The following DAB1 variants were observed in gnomAD, a reference collection of about 807,000 sequenced individuals.
The protein encoded by DAB1 is disabled homolog 1.
DAB1 carries 15 observed loss-of-function variants against 64.6 expected under a neutral mutation model. The ratio of observed to expected loss-of-function variants is 0.23; its 90% CI spans 0.16 to 0.36. The LOEUF (loss-of-function observed/expected upper bound fraction) is 0.36. Among genes scored for constraint, DAB1 ranks in the 10% least tolerant of loss-of-function variants. The probability of loss-of-function intolerance (pLI) is 1.00; values close to 1 mark genes in which losing one functional copy is unlikely to be tolerated. For synonymous variants in DAB1, 235 were observed against 251.9 expected (o/e 0.93, Z 0.64); for missense variants, 596 against 706.7 (o/e 0.84, Z 1.78).
chr1:57,949,697 T>G (rs1360016265), intron 5 of DAB1, among the ~76,000 whole-genome samples: 1 of 152,190 alleles, frequency 6.6e-6, no homozygotes, highest in African/African-American at 2.4e-5. Flanking sequence ...ACATTATTTT[T>G]CCAAGATTCA....
intron 6 of DAB1, among the ~76,000 whole-genome samples, chr1:57,817,946 C>T (rs852757): frequency 0.68 from 102,880 of 152,124 alleles, 36,562 homozygotes; most frequent in African/African-American, 0.91. Context: ...AATGCGTCCT[C>T]AGAAATTTTT....
intron 7 of DAB1, among the ~76,000 whole-genome samples, chr1:57,491,353 G>T (rs1052704221): frequency 6.6e-6 from 1 of 152,064 alleles, no homozygotes; most frequent in African/African-American, 2.4e-5. Flanking sequence ...GCGTGAACCC[G>T]GGAGGCGGAG....
chr1:57,173,786 G>T (rs936999007), intron 2 of DAB1, among the ~76,000 whole-genome samples: 1 of 152,150 alleles, frequency 6.6e-6, no homozygotes, highest in South Asian at 2.1e-4. Context: ...TATTAACAGA[G>T]TTCCCAGCAA....
intron 4 of DAB1, among the ~76,000 whole-genome samples, chr1:58,326,916 T>G (rs1569646115): frequency 6.6e-6 from 1 of 152,226 alleles, no homozygotes. Context: ...GGCTTTGATT[T>G]TTAAAGTACT....
chr1:57,934,778 C>T (rs938683294), intron 5 of DAB1, among the ~76,000 whole-genome samples: 10 of 152,266 alleles, frequency 6.6e-5, no homozygotes, highest in Admixed American at 1.3e-4. Flanking sequence ...GGTTACGCTG[C>T]GACAGTAGAC....
chr1:57,729,407 A>G (rs2101771095), intron 6 of DAB1, among the ~76,000 whole-genome samples: 1 of 152,364 alleles, frequency 6.6e-6, no homozygotes, highest in South Asian at 2.1e-4. Flanking sequence ...GCTGCCCGCC[A>G]CATCCTCTCT....
intron 2 of DAB1, among the ~76,000 whole-genome samples, chr1:58,509,801 A>C (rs1347382781): frequency 6.6e-6 from 1 of 152,012 alleles, no homozygotes; most frequent in East Asian, 1.9e-4. Context: ...ACAAAAGAGG[A>C]CACATTACAG....
intron 2 of DAB1, among the ~76,000 whole-genome samples, chr1:57,256,708 G>C (rs900902971): frequency 6.6e-6 from 1 of 152,176 alleles, no homozygotes; most frequent in South Asian, 2.1e-4. Flanking sequence ...AATATTGCCA[G>C]TTCTGTATTC....
At chr1:58,492,026 C>T (rs1040617502) in intron 3 of DAB1, among the ~76,000 whole-genome samples, 2 of 152,134 alleles carry the variant, frequency 1.3e-5, no homozygotes, top group Middle Eastern at 3.2e-3. Flanking sequence ...TAAAGCACTC[C>T]TCAGCAAATT....
At chr1:57,266,025 G>T (rs1199532953) in intron 2 of DAB1, among the ~76,000 whole-genome samples, 1 of 152,030 alleles carries the variant, frequency 6.6e-6, no homozygotes, top group Non-Finnish European at 1.5e-5. Flanking sequence ...GCAGGCCAGG[G>T]GCCCATGCTA....
chr1:58,427,383 G>T (rs951543085), intron 3 of DAB1, among the ~76,000 whole-genome samples: 4 of 152,066 alleles, frequency 2.6e-5, no homozygotes, highest in African/African-American at 9.7e-5. Context: ...AGAGTTTTAT[G>T]ATATGGCTTT....
intron 1 of DAB1, among the ~76,000 whole-genome samples, chr1:57,846,247 C>T (rs1223839666): frequency 9.9e-5 from 15 of 152,016 alleles, no homozygotes; most frequent in Non-Finnish European, 2.2e-4. Context: ...ATCACGAGGT[C>T]AGGAGATCGA....
Position 57,227,828 on chromosome 1 carries a change from G to A in DAB1, c.67+63136C>T, listed in dbSNP as rs557211315. 3.9e-5 allele frequency among the ~76,000 whole-genome samples: 6 copies of A among 152,186 alleles called. No individual in the cohort carries two copies. In the East Asian group the frequency reaches 1.2e-3, roughly 29 times the overall value. ...TGCCTCGTCCTCCCAAAGTGCTAGG[G>A]TTACAGGCGTGAGCCACTGTGCCCA... On this transcript the variant is annotated intron_variant, in intron 2 of 14. Transcript: ENST00000371236.
chr1:57,435,046 C>CTTTTTTTTTT (rs71580850), intron 7 of DAB1, among the ~76,000 whole-genome samples: 29 of 93,072 alleles, frequency 3.1e-4, no homozygotes, highest in African/African-American at 4.3e-4. Context: ...TTCTTTTTTT[C>CTTTTTTTTTT]TTTTTTTTTT....
intron 2 of DAB1, among the ~76,000 whole-genome samples, chr1:57,181,121 G>A (rs149371243): frequency 2.9e-4 from 44 of 152,244 alleles, no homozygotes; most frequent in Admixed American, 5.9e-4. Context: ...CATGTAACCC[G>A]GTGCTATGCA....
At chr1:57,120,887 AG>A (rs1275164857) in intron 4 of DAB1, among the ~76,000 whole-genome samples, 1 of 152,156 alleles carries the variant, frequency 6.6e-6, no homozygotes, top group Non-Finnish European at 1.5e-5. Context: ...CACCTTGTAC[AG>A]CACATTTAAT....
chr1:58,085,199 A>G (rs1480987878), intron 5 of DAB1, among the ~76,000 whole-genome samples: 2 of 152,176 alleles, frequency 1.3e-5, no homozygotes, highest in Non-Finnish European at 2.9e-5. Context: ...AATTGGATCT[A>G]TACCCAATGC....
chr1:57,623,015 T>C (rs540443153), intron 7 of DAB1, among the ~76,000 whole-genome samples: 43 of 152,340 alleles, frequency 2.8e-4, no homozygotes, highest in Non-Finnish European at 5.4e-4. Flanking sequence ...GGGTGATTTA[T>C]AGAAGGGCTA....
chr1:57,360,381 A>G (rs1429528093), intron 1 of DAB1, among the ~76,000 whole-genome samples: 1 of 152,072 alleles, frequency 6.6e-6, no homozygotes, highest in Non-Finnish European at 1.5e-5. Flanking sequence ...AATTAAAATG[A>G]CTCTTTGCAG....
Sources: allele counts gnomAD v4.1 joint callset (sites outside exome capture counted in the v4.1 genomes callset), GRCh38; gene constraint gnomAD v4.1.1; transcripts MANE v1.5; gene names NCBI Gene and HGNC (gene_info 2026-07-23, HGNC 2026-07-21).